Variants in CHRM3 observed in about 807,000 individuals in gnomAD.
The protein encoded by CHRM3 is muscarinic acetylcholine receptor M3.
CHRM3 carries 11 observed loss-of-function variants against 41.8 expected under a neutral mutation model. The ratio of observed to expected loss-of-function variants is 0.26; its 90% CI spans 0.17 to 0.44. The LOEUF (loss-of-function observed/expected upper bound fraction) is 0.44. CHRM3 is among the 20% of genes least tolerant of loss of function. The probability of loss-of-function intolerance (pLI) is 1.00; values close to 1 mark genes in which losing one functional copy is unlikely to be tolerated. For synonymous variants in CHRM3, 297 were observed against 301.4 expected, an observed-to-expected ratio of 0.99 and a Z score of 0.15; for missense variants, 571 against 745.4, an observed-to-expected ratio of 0.77 and a Z score of 2.72.
intron 1 of CHRM3, among the ~76,000 whole-genome samples, chr1:239,422,029 A>G (rs10802766): frequency 0.19 from 28,594 of 152,162 alleles, 2,795 homozygotes; most frequent in South Asian, 0.29. Context: ...ACATTACAGG[A>G]AAATGAGGGC....
At chr1:239,722,371 C>A (rs1247030414) in intron 5 of CHRM3, among the ~76,000 whole-genome samples, 1 of 151,912 alleles carries the variant, frequency 6.6e-6, no homozygotes, top group Admixed American at 6.6e-5. Context: ...TAGTTAGTTG[C>A]ATGAACAGAT....
chr1:239,588,185 C>A (rs1290418076), intron 3 of CHRM3, among the ~76,000 whole-genome samples: 1 of 152,142 alleles, frequency 6.6e-6, no homozygotes, highest in Non-Finnish European at 1.5e-5. Flanking sequence ...AGCTAGAATA[C>A]CAACCCCTGC....
At chr1:239,848,522 A>G (rs1674456260) in intron 6 of CHRM3, among the ~76,000 whole-genome samples, 1 of 152,164 alleles carries the variant, frequency 6.6e-6, no homozygotes, top group Non-Finnish European at 1.5e-5. Flanking sequence ...TGTTGTATAT[A>G]TATATACATT....
At chr1:239,557,792 A>G (rs1660500175) in intron 3 of CHRM3, among the ~76,000 whole-genome samples, 1 of 152,138 alleles carries the variant, frequency 6.6e-6, no homozygotes, top group Admixed American at 6.6e-5. Context: ...CAGCTTCATC[A>G]TGTCCCTGCA....
chr1:239,756,744 T>G (rs1012662620), intron 5 of CHRM3, among the ~76,000 whole-genome samples: 2 of 152,244 alleles, frequency 1.3e-5, no homozygotes, highest in Non-Finnish European at 2.9e-5. Flanking sequence ...TAAATTTTGA[T>G]GCCCAGAGTT....
chr1:239,840,783 G>C (rs1172788072), intron 6 of CHRM3, among the ~76,000 whole-genome samples: 1 of 152,048 alleles, frequency 6.6e-6, no homozygotes, highest in Admixed American at 6.6e-5. Context: ...TAAGAAAAAG[G>C]GTTACCATGG....
intron 3 of CHRM3, among the ~76,000 whole-genome samples, chr1:239,615,362 G>C (rs1667520734): frequency 1.3e-5 from 2 of 152,042 alleles, no homozygotes; most frequent in South Asian, 4.1e-4. Context: ...CTAGAAATCG[G>C]GTGGGAAAAA....
chr1:239,494,019 G>C (rs1572492498), intron 2 of CHRM3, among the ~76,000 whole-genome samples: 1 of 152,050 alleles, frequency 6.6e-6, no homozygotes, highest in Non-Finnish European at 1.5e-5. Context: ...GCCCAGATTT[G>C]GTAATGTATG....
intron 1 of CHRM3, among the ~76,000 whole-genome samples, chr1:239,446,491 A>G (rs1456007847): frequency 6.6e-6 from 1 of 152,234 alleles, no homozygotes; most frequent in Non-Finnish European, 1.5e-5. Context: ...CTAAATAGTA[A>G]TGAAAATGTC....
intron 1 of CHRM3, among the ~76,000 whole-genome samples, chr1:239,447,107 A>G (rs182359543): frequency 6.6e-6 from 1 of 152,324 alleles, no homozygotes; most frequent in African/African-American, 2.4e-5. Flanking sequence ...GAGCATGTGT[A>G]CGTGCAATCA....
chr1:239,820,640 C>G (rs1439866068), intron 5 of CHRM3, among the ~76,000 whole-genome samples: 1 of 151,962 alleles, frequency 6.6e-6, no homozygotes, highest in African/African-American at 2.4e-5. Flanking sequence ...ACAGCATGTA[C>G]AAAGTGCCAT....
chr1:239,830,364 G>C lies in CHRM3; in HGVS notation c.-20+2986G>C, dbSNP rs918599230. Among the ~76,000 whole-genome samples, 10 of 152,286 alleles carry C rather than the reference G, an allele frequency of 6.6e-5. No homozygotes were observed. In the East Asian group the frequency reaches 1.5e-3, roughly 24 times the overall value. ...CGGTGTATGTGAAATTTAACATGAT[G>C]CCTTCAGGATTCAGAAATGAAATGT... On this transcript the variant is annotated intron_variant, in intron 6 of 6. Coordinates refer to ENST00000676153, the MANE Select transcript of CHRM3 (RefSeq NM_001375978.1).
At position 239,908,916 on chromosome 1, in the gene CHRM3, GC is replaced by G; in HGVS notation, c.1466del (p.Ala489GlyfsTer25). 6.2e-7 allele frequency: 1 copy of G among 1,614,128 alleles called. No homozygotes were observed. Among genetic ancestry groups the G allele is most frequent in the Non-Finnish European group, 8.5e-7 (1 of 1,180,040 alleles). On this transcript the variant is annotated frameshift_variant, in exon 7 of 7. Transcript: ENST00000676153. LOFTEE classifies it high-confidence loss of function. The surrounding 1 kb of genome is among the most constrained non-coding windows in gnomAD (Gnocchi z 7.2). ...KRMSLVKEKK[A>X]AQTLSAILLA... ...GATGTCCCTGGTCAAGGAGAAGAAA[GC>G]GGCCCAGACCCTCAGTGCGATCTTG...
chr1:239,841,410 G>C (rs992385703), intron 6 of CHRM3, among the ~76,000 whole-genome samples: 2 of 152,160 alleles, frequency 1.3e-5, no homozygotes, highest in African/African-American at 4.8e-5. Context: ...CAGTGGGATT[G>C]ACTGTAGAGT....
chr1:239,645,732 A>C (rs74150623), intron 4 of CHRM3, among the ~76,000 whole-genome samples: 2 of 152,110 alleles, frequency 1.3e-5, no homozygotes, highest in Non-Finnish European at 2.9e-5. Context: ...AAATAAACTA[A>C]ATCTAATGGA....
intron 4 of CHRM3, among the ~76,000 whole-genome samples, chr1:239,674,583 G>A (rs527802685): frequency 4.6e-5 from 7 of 151,766 alleles, no homozygotes; most frequent in South Asian, 4.2e-4. Context: ...GGTGGCGGGC[G>A]CCTGTAGTCC....
chr1:239,822,171 A>G lies in CHRM3; in HGVS notation c.-146-5081A>G, dbSNP rs75037698. On this transcript the variant is annotated intron_variant, in intron 5 of 6. Coordinates refer to ENST00000676153, the MANE Select transcript of CHRM3 (RefSeq NM_001375978.1). The stretch of plus-strand genomic sequence containing the variant: ...CATTAACAGAAATATTTCTGCATAG[A>G]AATCTAATTCACTAAATTATATCTT... Among the ~76,000 whole-genome samples the G allele has an allele frequency of 0.012, 1,779 of 152,342 alleles. 49 individuals are homozygous for G. In the East Asian group the frequency reaches 0.12, roughly 10 times the overall value.
chr1:239,575,316 C>A (rs1416283772), intron 3 of CHRM3, among the ~76,000 whole-genome samples: 1 of 152,028 alleles, frequency 6.6e-6, no homozygotes, highest in African/African-American at 2.4e-5. Flanking sequence ...AGTTGAGCAG[C>A]CTAAAGGGTT....
intron 4 of CHRM3, among the ~76,000 whole-genome samples, chr1:239,637,734 G>T (rs1249149694): frequency 1.5e-5 from 2 of 136,792 alleles, no homozygotes; most frequent in Admixed American, 1.5e-4. Flanking sequence ...TGGGGAATTT[G>T]TATTTCTTTG....
Sources: gnomAD v4.1 joint callset for allele counts (sites outside exome capture counted in the v4.1 genomes callset) on GRCh38, gnomAD v4.1.1 for gene constraint, Gnocchi (gnomAD v3.1) non-coding constraint, MANE v1.5 for transcripts, NCBI Gene and HGNC (gene_info 2026-07-23, HGNC 2026-07-21) for gene names.